SRSF1: variants seen among roughly 807,000 people sequenced by gnomAD.
SRSF1 encodes the protein serine/arginine-rich splicing factor 1.
In SRSF1, 1 loss-of-function variant was observed where a neutral mutation model predicts 25.9. The ratio of observed to expected loss-of-function variants is 0.04; its 90% CI spans 0.01 to 0.18. The LOEUF is 0.18. SRSF1 is among the 10% of genes least tolerant of loss of function. The probability of loss-of-function intolerance (pLI) is 1.00; values close to 1 mark genes in which losing one functional copy is unlikely to be tolerated. For synonymous variants in SRSF1, 132 were observed against 126.2 expected (o/e 1.05, Z -0.31); for missense variants, 65 against 350.5 (o/e 0.19, Z 6.50).
chr17:58,006,624 G>T (rs1489260933), intron 1 of SRSF1, 97 bp from the exon 2 acceptor site: 2 of 1,383,432 alleles, frequency 1.4e-6, no homozygotes, highest in Middle Eastern at 2.5e-4. Context: ...CGCACCCAAC[G>T]TGGAAGAGCC....
chr17:58,000,360 C>T (rs911293532), downstream of SRSF1, among the ~76,000 whole-genome samples: 8 of 152,138 alleles, frequency 5.3e-5, no homozygotes, highest in Admixed American at 3.9e-4. Flanking sequence ...TAGACAATCA[C>T]GATAGACATA....
At position 58,005,165 on chromosome 17, in the gene SRSF1, G is replaced by A; in HGVS notation, c.*241C>T. ...AGATAGACATTTACACAATATCACA[G>A]TCTGAAGAGTATGGAGTTAACTAAA... On this transcript the variant is annotated 3_prime_UTR_variant, in exon 4 of 4. Transcript: ENST00000258962. The surrounding 1 kb of genome is among the most constrained non-coding windows in gnomAD (Gnocchi z 5.2). 1 of 568,972 alleles carries A rather than the reference G, an allele frequency of 1.8e-6. No individual in the cohort carries two copies. Among genetic ancestry groups the A allele is most frequent in the Non-Finnish European group, 3.1e-6 (1 of 322,860 alleles). 35.2% of individuals were successfully genotyped at this position (568,972 alleles called of 1,614,324 possible).
At chr17:57,999,358 T>TATTA (rs1256036062), downstream of SRSF1, among the ~76,000 whole-genome samples, 1 of 152,168 alleles carries the variant, frequency 6.6e-6, no homozygotes, top group Admixed American at 6.5e-5. Flanking sequence ...TTCATGGCCT[T>TATTA]ATTATTCCAT....
chr17:58,005,589 G>A lies in SRSF1; in HGVS notation c.564C>T (p.Ala188=). ...GCCCATCAACTTTAACCCGGATGTA[G>A]GCAGTTTCTCCCTATTGGATAGACA... ...TKFRSHEGET[A]YIRVKVDGPR... is the part of the protein sequence containing the mutation. The change falls in exon 4 of 4, where the codon GCC becomes GCT. Residue 188 remains alanine, a synonymous_variant. Coordinates refer to ENST00000258962, the MANE Select transcript of SRSF1 (RefSeq NM_006924.5). The surrounding 1 kb of genome is among the most constrained non-coding windows in gnomAD (Gnocchi z 5.2). The A allele has an allele frequency of 6.2e-7, 1 of 1,614,012 alleles. No individual in the cohort carries two copies. Among genetic ancestry groups the A allele is most frequent in the South Asian group, 1.1e-5 (1 of 91,070 alleles).
chr17:58,003,298 C>T lies in SRSF1; in HGVS notation c.*2108G>A, dbSNP rs1264407022. The T allele has an allele frequency of 2.0e-5, 3 of 152,296 alleles. No individual in the cohort carries two copies. In the East Asian group the frequency reaches 5.8e-4, roughly 29 times the overall value. The allele number at this position is 152,296 out of a possible 1,614,324, so 9.4% of individuals were successfully genotyped here. ...TTACATACACAAATGCCTTATTCTC[C>T]CCTTTTGCTTTCCCCTGAAGACTTT... On this transcript the variant is annotated 3_prime_UTR_variant, in exon 4 of 4. Coordinates refer to ENST00000258962, the MANE Select transcript of SRSF1 (RefSeq NM_006924.5).
rs977961873 is a variant in SRSF1 at position 58,005,662 on chromosome 17, T to C, written c.553-62A>G. On this transcript the variant is annotated intron_variant, in intron 3 of 3. Coordinates refer to ENST00000258962, the MANE Select transcript of SRSF1 (RefSeq NM_006924.5). This position sits in a 1 kb window ranked among gnomAD's most constrained non-coding sequence, Gnocchi z 5.2. ...AGCTTTCATCTATCTTCAGACATGC[T>C]GAATGAATACAATGTAACTAAAACC... is the stretch of plus-strand genomic sequence containing the variant. 19 of 1,609,808 alleles carry C rather than the reference T, an allele frequency of 1.2e-5. No individual in the cohort carries two copies. Among genetic ancestry groups the C allele is most frequent in the Non-Finnish European group, 1.6e-5 (19 of 1,176,968 alleles).
rs371522057 is a variant in SRSF1 at position 58,007,018 on chromosome 17, G to A, written c.120C>T (p.Gly40=). ...TCTTGAGGTCGATGTCGCGGATAGCGCCGTATTTGTAGAACACGTCCTCAA... is the reference window on the plus strand; with the variant it reads ...TCTTGAGGTCGATGTCGCGGATAGCACCGTATTTGTAGAACACGTCCTCAA... ...KDIEDVFYKY[G]AIRDIDLKNR... Residue 40 remains glycine (G), a synonymous_variant, in exon 1 of 4, where the codon GGC becomes GGT. Transcript: ENST00000258962. 2 of 1,614,158 alleles carry A rather than the reference G, an allele frequency of 1.2e-6. No individual in the cohort carries two copies. Among genetic ancestry groups the A allele is most frequent in the Admixed American group, 1.7e-5 (1 of 60,028 alleles).
At chr17:58,000,666 T>G (rs893040896), downstream of SRSF1, among the ~76,000 whole-genome samples, 3 of 151,868 alleles carry the variant, frequency 2.0e-5, no homozygotes, top group Non-Finnish European at 4.4e-5. Context: ...CAATAACAGG[T>G]TTTTCAGTCA....
At chr17:57,989,524 T>TA in the SRSF1 span, 2 of 397,590 alleles carry the variant, frequency 5.0e-6, no homozygotes, top group Non-Finnish European at 4.4e-6. Context: ...CCATAGACAA[T>TA]AAAAATATGG....
At chr17:58,006,848 A>G in intron 1 of SRSF1, 96 bp downstream of exon 1, 2 of 1,434,620 alleles carry the variant, frequency 1.4e-6, no homozygotes, top group South Asian at 1.3e-5. Context: ...CCTCTCTAAG[A>G]GCCCCCGCTT....
the SRSF1 span, chr17:57,994,737 C>A: frequency 6.6e-6 from 1 of 152,172 alleles, no homozygotes; most frequent in Non-Finnish European, 1.5e-5. Context: ...ACTAACTTCC[C>A]AGTTCATAAT....
the SRSF1 span, chr17:57,989,132 G>A: frequency 2.5e-6 from 1 of 398,474 alleles, no homozygotes; most frequent in East Asian, 3.6e-5. Context: ...AGCGTCAGAT[G>A]TCACTGAGGT....
downstream of SRSF1, among the ~76,000 whole-genome samples, chr17:58,000,093 A>G (rs1329260298): frequency 6.6e-6 from 1 of 151,920 alleles, no homozygotes; most frequent in Non-Finnish European, 1.5e-5. Context: ...TAACTTCTAT[A>G]TGACAGAGTC....
At position 58,007,185 on chromosome 17, in the gene SRSF1, C is replaced by G; in HGVS notation, c.-48G>C. The G allele has an allele frequency of 1.9e-6, 3 of 1,605,702 alleles. No individual in the cohort carries two copies. The highest frequency in any genetic ancestry group is 2.6e-6 in the Non-Finnish European group (3 of 1,175,710). On this transcript the variant is annotated 5_prime_UTR_variant, in exon 1 of 4. Transcript: ENST00000258962. ...TCGAGAACAGGCCTTCCCACCAAGC[C>G]TAGCGCACGGCAGAGCGAGCCCGCA...
chr17:58,006,271 C>T (rs2075426591), intron 2 of SRSF1, 72 bp downstream of exon 2: 2 of 1,513,078 alleles, frequency 1.3e-6, no homozygotes, highest in African/African-American at 1.4e-5. Context: ...AATTATTAAA[C>T]CTGTCACGCA....
Position 58,005,788 on chromosome 17 carries a change from G to A in SRSF1, c.552+13C>T, listed in dbSNP as rs374714165. ...CAATTCTGGTCAAAGAAAAGAATACGTGTATAACCTACCTCATGAGATCTA... is the reference window on the plus strand; with the variant it reads ...CAATTCTGGTCAAAGAAAAGAATACATGTATAACCTACCTCATGAGATCTA... On this transcript the variant is annotated intron_variant, in intron 3 of 3. Coordinates refer to ENST00000258962, the MANE Select transcript of SRSF1 (RefSeq NM_006924.5). The surrounding 1 kb of genome is among the most constrained non-coding windows in gnomAD (Gnocchi z 5.2). The A allele has an allele frequency of 1.7e-5, 27 of 1,614,006 alleles. No individual in the cohort carries two copies. The highest frequency in any genetic ancestry group is 2.1e-5 in the Non-Finnish European group (25 of 1,180,026).
At chr17:57,991,006 A>G in the SRSF1 span, 1 of 152,220 alleles carries the variant, frequency 6.6e-6, no homozygotes, top group South Asian at 2.1e-4. Flanking sequence ...TATATAACAG[A>G]TGTGAAATAA....
Position 58,002,525 on chromosome 17 carries a change from A to G in SRSF1, c.*2881T>C, listed in dbSNP as rs2075399016. Among the ~76,000 whole-genome samples the G allele has an allele frequency of 6.6e-6, 1 of 152,270 alleles. No individual in the cohort carries two copies. Among genetic ancestry groups the G allele is most frequent in the Non-Finnish European group, 1.5e-5 (1 of 68,048 alleles). On this transcript the variant is annotated 3_prime_UTR_variant, in exon 4 of 4. Transcript: ENST00000258962. ...GGGCTGTCAGTAGACAAATACAAGAAGTAGCAGGCTAAAAGTTTTTAACTG... is the reference window on the plus strand; with the variant it reads ...GGGCTGTCAGTAGACAAATACAAGAGGTAGCAGGCTAAAAGTTTTTAACTG...
chr17:58,005,471 G>A lies in SRSF1; in HGVS notation c.682C>T (p.Pro228Ser), dbSNP rs1390769743. The A allele has an allele frequency of 6.2e-7, 1 of 1,614,042 alleles. No homozygotes were observed. The highest frequency in any genetic ancestry group is 8.5e-7 in the Non-Finnish European group (1 of 1,180,008). ...CGTGGTGATCCTCTGCTTCTCCTTG[G>A]GGAGTAACTGCGACTCCTGCTGTTG... is the stretch of plus-strand genomic sequence containing the variant. Reference protein sequence around the residue: ...RSNSRSRSYSPRRSRGSPRYS... With the variant: ...RSNSRSRSYSSRRSRGSPRYS... Residue 228 changes from proline to serine, a missense_variant, in exon 4 of 4, where the codon CCA (proline) becomes TCA (serine). Around this residue, in one of 2 missense-constraint regions of SRSF1, gnomAD observed 63 missense variants for 284.8 expected, o/e 0.22. Transcript: ENST00000258962. The surrounding 1 kb of genome is among the most constrained non-coding windows in gnomAD (Gnocchi z 5.2).
Sources: allele counts gnomAD v4.1 joint callset (sites outside exome capture counted in the v4.1 genomes callset), GRCh38; gene constraint gnomAD v4.1.1; regional missense constraint gnomAD v4.1.1; non-coding constraint Gnocchi (gnomAD v3.1); transcripts MANE v1.5; gene names NCBI Gene and HGNC (gene_info 2026-07-23, HGNC 2026-07-21).